Variants in ALCAM observed in about 807,000 individuals in gnomAD.
ALCAM encodes CD166 antigen.
In ALCAM, 30 loss-of-function variants were observed where a neutral mutation model predicts 70.9. That is an observed-to-expected ratio of 0.42 (90% CI 0.32 to 0.57). ALCAM has a LOEUF of 0.57. Ranked by LOEUF, ALCAM falls within the 20% of genes least tolerant of loss-of-function variation. The pLI is 0.11. For missense variants in ALCAM, 591 were observed against 695.1 expected, an observed-to-expected ratio of 0.85 and a Z score of 1.68; for synonymous variants, 249 against 242.5, an observed-to-expected ratio of 1.03 and a Z score of -0.25.
At chr3:105,452,807 AT>A (rs1937466059) in intron 1 of ALCAM, among the ~76,000 whole-genome samples, 1 of 152,124 alleles carries the variant, frequency 6.6e-6, no homozygotes, top group African/African-American at 2.4e-5. Flanking sequence ...TTTGATTTGC[AT>A]TTCTCTAATG....
At position 105,563,511 on chromosome 3, in the gene ALCAM, TAAGAC is replaced by T. The variant is rs572170270; in HGVS notation, c.1665-8337_1665-8333del. ...CTTAGTATTAGACTTTCTTCTTTTA[TAAGAC>T]AAGCATTGAAATTATAAATTCCTCT... On this transcript the variant is annotated intron_variant, in intron 14 of 15. Coordinates refer to ENST00000306107, the MANE Select transcript of ALCAM (RefSeq NM_001627.4). Among the ~76,000 whole-genome samples the T allele has an allele frequency of 3.6e-4, 55 of 151,942 alleles. 1 individual carries two copies. The highest frequency in any genetic ancestry group is 3.6e-3 in the Admixed American group (55 of 15,266).
chr3:105,524,994 A>G, intron 3 of ALCAM: 2 of 959,732 alleles, frequency 2.1e-6, no homozygotes, highest in South Asian at 4.8e-5. Context: ...TTTTCCATTT[A>G]TATATATCCA....
Position 105,466,027 on chromosome 3 carries a change from T to G in ALCAM, c.74-54040T>G, listed in dbSNP as rs145782432. 3.3e-3 allele frequency among the ~76,000 whole-genome samples: 501 copies of G among 151,620 alleles called. 4 individuals carry two copies. Among genetic ancestry groups the G allele is most frequent in the African/African-American group, 0.011 (475 of 41,474 alleles). ...AAAACATTAATTTTGCATTCATCTT[T>G]TATTGAAAGCAGTCCTTATACACAG... is the stretch of plus-strand genomic sequence containing the variant. On this transcript the variant is annotated intron_variant, in intron 1 of 15. Transcript: ENST00000306107.
intron 1 of ALCAM, among the ~76,000 whole-genome samples, chr3:105,368,265 A>AG (rs1553716633): frequency 2.0e-3 from 53 of 25,932 alleles, no homozygotes; most frequent in Middle Eastern, 0.033. Flanking sequence ...GAGAGAGAGA[A>AG]AAGGCAAAAT....
At chr3:105,534,621 C>T in intron 5 of ALCAM, 42 bp from the exon 6 acceptor site, 1 of 1,573,284 alleles carries the variant, frequency 6.4e-7, no homozygotes. Context: ...TTGTGATTGT[C>T]AGATGAAAGA....
At chr3:105,521,737 C>T (rs1359658952) in intron 2 of ALCAM, among the ~76,000 whole-genome samples, 1 of 152,032 alleles carries the variant, frequency 6.6e-6, no homozygotes, top group Admixed American at 6.5e-5. Context: ...AAAGTGAACT[C>T]GTGTCTGTGA....
At chr3:105,379,827 C>T (rs1349207114) in intron 1 of ALCAM, among the ~76,000 whole-genome samples, 1 of 151,460 alleles carries the variant, frequency 6.6e-6, no homozygotes, top group Admixed American at 6.6e-5. Context: ...TGAATAGTAT[C>T]CTCTTTCTAT....
At chr3:105,386,633 G>C (rs1025747336) in intron 1 of ALCAM, among the ~76,000 whole-genome samples, 2 of 150,880 alleles carry the variant, frequency 1.3e-5, no homozygotes, top group African/African-American at 4.9e-5. Flanking sequence ...TGACAGTCTA[G>C]ACTTGGGCTT....
intron 1 of ALCAM, among the ~76,000 whole-genome samples, chr3:105,444,926 A>G (rs900267218): frequency 2.6e-5 from 4 of 152,182 alleles, no homozygotes; most frequent in East Asian, 3.8e-4. Flanking sequence ...ATTTGCCTGT[A>G]TGTTTAATGA....
intron 1 of ALCAM, among the ~76,000 whole-genome samples, chr3:105,374,719 T>C (rs1410622834): frequency 2.6e-5 from 4 of 152,096 alleles, no homozygotes; most frequent in Non-Finnish European, 5.9e-5. Context: ...GGTTTCACCA[T>C]GTTGGCCAGG....
In ALCAM at chr3:105,366,989, C is replaced by G. The variant is rs1012310655; in HGVS notation, c.-420C>G. Reference sequence around the variant, plus strand: ...AGGAGACCCGCCGCCCCCCCGTCGCCGCCTCCTGCGAGTCCTTCTTAGCAC... The same window carrying G: ...AGGAGACCCGCCGCCCCCCCGTCGCGGCCTCCTGCGAGTCCTTCTTAGCAC... On this transcript the variant is annotated 5_prime_UTR_variant, in exon 1 of 16. Transcript: ENST00000306107. 6.1e-6 allele frequency: 1 copy of G among 164,482 alleles called. No individual in the cohort carries two copies. 10.2% of individuals were successfully genotyped at this position (164,482 alleles called of 1,614,324 possible).
rs1392340009 is a variant in ALCAM at position 105,546,665 on chromosome 3, A to G, written c.1105-484A>G. On this transcript the variant is annotated intron_variant, in intron 9 of 15. Transcript: ENST00000306107. ...ACAATCAACTGCAATCACTGTTATG[A>G]ATTAACTGTCATGAACAGCTCATGT... Among the ~76,000 whole-genome samples the G allele has an allele frequency of 2.0e-5, 3 of 151,542 alleles. No homozygotes were observed. In the East Asian group the frequency reaches 5.8e-4, roughly 30 times the overall value.
At chr3:105,458,232 A>G (rs550239685) in intron 1 of ALCAM, among the ~76,000 whole-genome samples, 1 of 152,318 alleles carries the variant, frequency 6.6e-6, no homozygotes, top group East Asian at 1.9e-4. Flanking sequence ...TTTCAACCAA[A>G]TATTTGATAT....
At chr3:105,495,729 C>T (rs148128263) in intron 1 of ALCAM, among the ~76,000 whole-genome samples, 5 of 152,142 alleles carry the variant, frequency 3.3e-5, no homozygotes, top group Admixed American at 1.3e-4. Flanking sequence ...GTGCCATTTA[C>T]TACCTATGGC....
At chr3:105,571,277 T>A (rs1001050786) in intron 14 of ALCAM, among the ~76,000 whole-genome samples, 4 of 152,184 alleles carry the variant, frequency 2.6e-5, no homozygotes, top group African/African-American at 9.6e-5. Flanking sequence ...ATACTGCTGG[T>A]CTGGGGACCA....
chr3:105,380,255 T>A (rs188005121), intron 1 of ALCAM, among the ~76,000 whole-genome samples: 1 of 151,868 alleles, frequency 6.6e-6, no homozygotes, highest in African/African-American at 2.4e-5. Context: ...TATTATTACT[T>A]TACCTTTTAA....
intron 1 of ALCAM, among the ~76,000 whole-genome samples, chr3:105,518,679 T>C (rs1041701589): frequency 3.9e-5 from 6 of 152,014 alleles, no homozygotes; most frequent in African/African-American, 1.4e-4. Context: ...AGAGATAAAT[T>C]TTTATTATGA....
At chr3:105,479,530 T>C (rs7431531) in intron 1 of ALCAM, among the ~76,000 whole-genome samples, 36,119 of 152,126 alleles carry the variant, frequency 0.24, 4,969 homozygotes, top group Non-Finnish European at 0.32. Flanking sequence ...ATGGAACATA[T>C]GAATTTCTGG....
chr3:105,377,695 A>G (rs1250696844), intron 1 of ALCAM, among the ~76,000 whole-genome samples: 1 of 152,032 alleles, frequency 6.6e-6, no homozygotes, highest in Non-Finnish European at 1.5e-5. Context: ...ATGAATTTTT[A>G]TTATTGTTCT....
Sources: allele counts gnomAD v4.1 joint callset (sites outside exome capture counted in the v4.1 genomes callset), GRCh38; gene constraint gnomAD v4.1.1; transcripts MANE v1.5; gene names NCBI Gene and HGNC (gene_info 2026-07-23, HGNC 2026-07-21).